Variants in PRKN observed in about 807,000 individuals in gnomAD.
The protein encoded by PRKN is parkin RBR E3 ubiquitin protein ligase.
In PRKN, 56 loss-of-function variants were observed where a neutral mutation model predicts 59.5. That is an observed-to-expected ratio of 0.94 (90% CI 0.76 to 1.18). The LOEUF (loss-of-function observed/expected upper bound fraction) is 1.18. Among genes scored for constraint, PRKN ranks in the 50% most tolerant of loss-of-function variants. The pLI is 0.00. For synonymous variants in PRKN, 250 were observed against 222.1 expected, an observed-to-expected ratio of 1.13 and a Z score of -1.12; for missense variants, 657 against 596.4, an observed-to-expected ratio of 1.10 and a Z score of -1.06.
At chr6:161,903,466 G>A (rs1778014114) in intron 6 of PRKN, among the ~76,000 whole-genome samples, 1 of 152,160 alleles carries the variant, frequency 6.6e-6, no homozygotes. Context: ...AAGAGGGTGG[G>A]ACCTTCGTTT....
chr6:161,694,440 A>G (rs986651042), intron 7 of PRKN, among the ~76,000 whole-genome samples: 1 of 152,146 alleles, frequency 6.6e-6, no homozygotes, highest in Admixed American at 6.5e-5. Flanking sequence ...TTAAGCAATT[A>G]GGCACACAGT....
At chr6:162,659,056 A>G (rs1161753657) in intron 1 of PRKN, among the ~76,000 whole-genome samples, 1 of 152,228 alleles carries the variant, frequency 6.6e-6, no homozygotes, top group East Asian at 1.9e-4. Context: ...TAGGGCTTTC[A>G]AAGTATAACT....
At chr6:162,066,449 T>TG (rs1296571157) in intron 4 of PRKN, among the ~76,000 whole-genome samples, 20 of 152,296 alleles carry the variant, frequency 1.3e-4, no homozygotes, top group Non-Finnish European at 2.8e-4. Flanking sequence ...TCCCCTAAAA[T>TG]TCATGTGTTG....
chr6:161,916,006 T>C (rs1251671488), intron 6 of PRKN, among the ~76,000 whole-genome samples: 1 of 151,782 alleles, frequency 6.6e-6, no homozygotes, highest in African/African-American at 2.4e-5. Flanking sequence ...TATCAAATGA[T>C]AAAGAAAATA....
At chr6:161,761,511 C>G (rs1167323403) in intron 7 of PRKN, among the ~76,000 whole-genome samples, 3 of 152,136 alleles carry the variant, frequency 2.0e-5, no homozygotes, top group African/African-American at 7.2e-5. Context: ...TAGGTAGTAT[C>G]TGATAATATC....
At chr6:161,657,191 T>C (rs1366258554) in intron 7 of PRKN, among the ~76,000 whole-genome samples, 3 of 152,120 alleles carry the variant, frequency 2.0e-5, no homozygotes, top group African/African-American at 7.2e-5. Flanking sequence ...GAGAATCACC[T>C]TAACTCTTCG....
rs1018802946 is a variant in PRKN, at chr6:162,490,424, A to G, written c.8-46951T>C. 6.6e-5 allele frequency among the ~76,000 whole-genome samples: 10 copies of G among 152,348 alleles called. No homozygotes were observed. In the South Asian group the frequency reaches 1.4e-3, roughly 22 times the overall value. The stretch of plus-strand genomic sequence containing the variant: ...TTGATATACAGAAGATCATGAATAC[A>G]GTCATCTATATTTTCCTAGTCAGTG... On this transcript the variant is annotated intron_variant, in intron 1 of 11. Transcript: ENST00000366898.
chr6:161,706,024 C>A (rs1383754363), intron 7 of PRKN, among the ~76,000 whole-genome samples: 6 of 151,838 alleles, frequency 4.0e-5, no homozygotes, highest in African/African-American at 1.5e-4. Context: ...TTCCAGTAGC[C>A]CCACTCTTTC....
chr6:161,426,287 G>C (rs139695060), intron 9 of PRKN, among the ~76,000 whole-genome samples: 3,809 of 152,232 alleles, frequency 0.025, 167 homozygotes, highest in African/African-American at 0.088. Context: ...TGATTGGACT[G>C]AAGGATGCAA....
At chr6:162,248,470 AC>A (rs1290726914) in intron 3 of PRKN, among the ~76,000 whole-genome samples, 6 of 152,010 alleles carry the variant, frequency 3.9e-5, no homozygotes, top group African/African-American at 1.2e-4. Flanking sequence ...TGTGCTATAA[AC>A]CACAGGCCTG....
chr6:162,057,004 T>C (rs532589664), intron 4 of PRKN, among the ~76,000 whole-genome samples: 55 of 152,180 alleles, frequency 3.6e-4, no homozygotes, highest in African/African-American at 1.3e-3. Context: ...ATCTTAGCTA[T>C]GTGTGTGACA....
Position 162,455,845 on chromosome 6 carries a change from T to C in PRKN, c.8-12372A>G, listed in dbSNP as rs574668350. ...TGAAGAACATTTCAATTTTTCCCAATGTTTCAAAATTTGTCAGATTGAACA... is the reference window on the plus strand; with the variant it reads ...TGAAGAACATTTCAATTTTTCCCAACGTTTCAAAATTTGTCAGATTGAACA... On this transcript the variant is annotated intron_variant, in intron 1 of 11. Coordinates refer to ENST00000366898, the MANE Select transcript of PRKN (RefSeq NM_004562.3). Among the ~76,000 whole-genome samples, 34 of 152,186 alleles carry C rather than the reference T, an allele frequency of 2.2e-4. No homozygotes were observed. In the South Asian group the frequency reaches 7.1e-3, roughly 32 times the overall value.
At chr6:161,587,641 TA>T (rs900904943) in intron 7 of PRKN, among the ~76,000 whole-genome samples, 31 of 151,092 alleles carry the variant, frequency 2.1e-4, no homozygotes, top group African/African-American at 4.4e-4. Flanking sequence ...GCTTTTTTTT[TA>T]AAAAAAAACT....
intron 7 of PRKN, among the ~76,000 whole-genome samples, chr6:161,661,841 G>C (rs956142145): frequency 6.6e-6 from 1 of 152,048 alleles, no homozygotes; most frequent in Non-Finnish European, 1.5e-5. Context: ...TGGCCAATAT[G>C]GTGAAACCCC....
intron 7 of PRKN, among the ~76,000 whole-genome samples, chr6:161,670,258 G>A (rs1441483044): frequency 6.6e-6 from 1 of 152,136 alleles, no homozygotes; most frequent in Non-Finnish European, 1.5e-5. Flanking sequence ...ATGAAGGGAC[G>A]TGATTAGCTT....
intron 9 of PRKN, among the ~76,000 whole-genome samples, chr6:161,412,176 T>C (rs1284098096): frequency 1.3e-5 from 2 of 148,162 alleles, no homozygotes; most frequent in Non-Finnish European, 3.0e-5. Flanking sequence ...CACTCATTCC[T>C]TCCTCACTCA....
At chr6:162,161,449 G>C (rs1381057797) in intron 4 of PRKN, among the ~76,000 whole-genome samples, 1 of 152,152 alleles carries the variant, frequency 6.6e-6, no homozygotes, top group Non-Finnish European at 1.5e-5. Flanking sequence ...ATTGCGGACT[G>C]AAAATATAAA....
At chr6:162,612,070 G>A (rs1405563235) in intron 1 of PRKN, among the ~76,000 whole-genome samples, 7 of 151,112 alleles carry the variant, frequency 4.6e-5, no homozygotes, top group African/African-American at 1.7e-4. Context: ...GCGGGCGCCT[G>A]TAGTCCCAGC....
intron 6 of PRKN, among the ~76,000 whole-genome samples, chr6:161,806,564 A>C (rs531480265): frequency 1.9e-4 from 29 of 152,272 alleles, no homozygotes; most frequent in African/African-American, 7.0e-4. Flanking sequence ...TCATCCCTCG[A>C]GGAGGCTGGA....
Sources: allele counts gnomAD v4.1 joint callset (sites outside exome capture counted in the v4.1 genomes callset), GRCh38; gene constraint gnomAD v4.1.1; transcripts MANE v1.5; gene names NCBI Gene and HGNC (gene_info 2026-07-23, HGNC 2026-07-21).